Variants in RFC3 observed in about 807,000 individuals in gnomAD.
The protein encoded by RFC3 is A1 38 kDa subunit.
Under a neutral mutation model 45.1 loss-of-function variants are expected in RFC3, and 41 were observed. That is an observed-to-expected ratio of 0.91 (90% CI 0.71 to 1.18). RFC3 has a LOEUF of 1.18. Ranked by LOEUF, RFC3 falls within the 50% of genes most tolerant of loss-of-function variation. RFC3 has a pLI of 0.00. For missense variants in RFC3, 423 were observed against 428.1 expected, an observed-to-expected ratio of 0.99 and a Z score of 0.10; for synonymous variants, 149 against 144.0, an observed-to-expected ratio of 1.03 and a Z score of -0.25.
At chr13:33,858,508 C>G (rs1244889106) in intron 8 of RFC3, among the ~76,000 whole-genome samples, 3 of 152,170 alleles carry the variant, frequency 2.0e-5, no homozygotes, top group Admixed American at 6.5e-5. Flanking sequence ...AGCCCAGGAG[C>G]ATGAACTTGT....
intron 8 of RFC3, among the ~76,000 whole-genome samples, chr13:33,852,109 A>G (rs1362120261): frequency 6.6e-6 from 1 of 152,242 alleles, no homozygotes; most frequent in East Asian, 1.9e-4. Flanking sequence ...TACTTTCAAT[A>G]TAAAAAGCAG....
intron 8 of RFC3, among the ~76,000 whole-genome samples, chr13:33,929,429 T>C (rs980946598): frequency 6.6e-6 from 1 of 152,136 alleles, no homozygotes; most frequent in Non-Finnish European, 1.5e-5. Flanking sequence ...TAATTAACAC[T>C]AAATTTAATG....
chr13:33,859,225 A>T lies in RFC3; in HGVS notation c.879+24008A>T, dbSNP rs146957901. On this transcript the variant is annotated intron_variant, in intron 8 of 8. Coordinates refer to the RFC3 transcript ENST00000434425. ...AACTCGGAAGCTGAGCATGAACTCT[A>T]AATCTGTGTATCGTCTTTTCCCCAA... Among the ~76,000 whole-genome samples, 4 of 152,310 alleles carry T rather than the reference A, an allele frequency of 2.6e-5. No homozygotes were observed. The East Asian group carries it at 7.7e-4, about 29-fold the overall frequency.
chr13:33,940,424 T>C (rs2082915731), intron 8 of RFC3, among the ~76,000 whole-genome samples: 2 of 152,324 alleles, frequency 1.3e-5, no homozygotes, highest in African/African-American at 4.8e-5. Flanking sequence ...TTTTGGTTCT[T>C]CAAAAATTTG....
intron 8 of RFC3, among the ~76,000 whole-genome samples, chr13:33,931,536 A>G (rs377647475): frequency 1.3e-5 from 2 of 152,092 alleles, no homozygotes; most frequent in African/African-American, 4.8e-5. Context: ...AAATTCTAAA[A>G]TCTTGCGAAC....
chr13:33,974,783 C>G, the RFC3 span, among the ~76,000 whole-genome samples: 1 of 152,110 alleles, frequency 6.6e-6, no homozygotes, highest in Non-Finnish European at 1.5e-5. Flanking sequence ...AAAAGTTCCC[C>G]TTCATTTATC....
chr13:33,896,746 A>C (rs2082601922), intron 8 of RFC3, among the ~76,000 whole-genome samples: 1 of 139,410 alleles, frequency 7.2e-6, no homozygotes, highest in African/African-American at 2.6e-5. Context: ...AAAAAAAAGC[A>C]AGTAACATAT....
chr13:33,832,635 G>T (rs2082115257), intron 7 of RFC3, among the ~76,000 whole-genome samples: 4 of 152,192 alleles, frequency 2.6e-5, no homozygotes, highest in African/African-American at 9.6e-5. Flanking sequence ...AGTCTCATTA[G>T]AAAAGAAACT....
chr13:33,818,881 GTTTTTTTTTTTTT>G (rs72236854), intron 1 of RFC3, among the ~76,000 whole-genome samples: 2 of 112,040 alleles, frequency 1.8e-5, no homozygotes, highest in Non-Finnish European at 1.9e-5. Context: ...CCTGAGATTA[GTTTTTTTTTTTTT>G]TTTTTTTTTT....
chr13:33,919,667 T>C (rs1382554948), intron 8 of RFC3, among the ~76,000 whole-genome samples: 2 of 152,112 alleles, frequency 1.3e-5, no homozygotes, highest in Non-Finnish European at 2.9e-5. Context: ...TTGGTATTAT[T>C]TAATGTCTGT....
chr13:33,962,339 C>A (rs536107151), intron 8 of RFC3, among the ~76,000 whole-genome samples: 287 of 152,292 alleles, frequency 1.9e-3, no homozygotes, highest in Middle Eastern at 6.8e-3. Flanking sequence ...GTCTCCTTCA[C>A]TTCTTCAGCA....
At chr13:33,888,782 T>G (rs1888047) in intron 8 of RFC3, among the ~76,000 whole-genome samples, 16,972 of 151,018 alleles carry the variant, frequency 0.11, 1,969 homozygotes, top group African/African-American at 0.3. Flanking sequence ...ATCTTGCTCT[T>G]TCACCCAGGC....
chr13:33,973,925 C>A, the RFC3 span, among the ~76,000 whole-genome samples: 4 of 152,112 alleles, frequency 2.6e-5, no homozygotes, highest in Non-Finnish European at 5.9e-5. Context: ...AGGCTGTATC[C>A]CAGTAGAAGA....
At chr13:33,880,578 A>G (rs1206228123) in intron 8 of RFC3, among the ~76,000 whole-genome samples, 3 of 152,176 alleles carry the variant, frequency 2.0e-5, no homozygotes, top group African/African-American at 4.8e-5. Context: ...CAAATGGGGA[A>G]CTGAATTTTT....
At chr13:33,818,881 G>GTTTTT (rs72236854) in intron 1 of RFC3, among the ~76,000 whole-genome samples, 7 of 112,040 alleles carry the variant, frequency 6.2e-5, no homozygotes, top group African/African-American at 1.0e-4. Flanking sequence ...CCTGAGATTA[G>GTTTTT]TTTTTTTTTT....
At chr13:33,894,985 C>T (rs924221689) in intron 8 of RFC3, among the ~76,000 whole-genome samples, 4 of 152,076 alleles carry the variant, frequency 2.6e-5, no homozygotes, top group African/African-American at 7.2e-5. Context: ...TATCTCTCAT[C>T]GTATACAAAA....
At chr13:33,948,863 C>T (rs2137824542) in intron 8 of RFC3, among the ~76,000 whole-genome samples, 1 of 152,342 alleles carries the variant, frequency 6.6e-6, no homozygotes, top group Non-Finnish European at 1.5e-5. Context: ...CCTGTACCCC[C>T]ATTGCATCTA....
intron 8 of RFC3, among the ~76,000 whole-genome samples, chr13:33,916,640 A>G (rs565871249): frequency 2.4e-4 from 37 of 152,268 alleles, no homozygotes; most frequent in Non-Finnish European, 5.0e-4. Context: ...GCACAAATGT[A>G]TGTACGTAGA....
chr13:33,932,315 T>G (rs1346709451), intron 8 of RFC3, among the ~76,000 whole-genome samples: 1 of 152,196 alleles, frequency 6.6e-6, no homozygotes, highest in Non-Finnish European at 1.5e-5. Context: ...TAATATACCT[T>G]GGAATAATTT....
Sources: gnomAD v4.1 joint callset for allele counts (sites outside exome capture counted in the v4.1 genomes callset) on GRCh38, gnomAD v4.1.1 for gene constraint, MANE v1.5 for transcripts, NCBI Gene and HGNC (gene_info 2026-07-23, HGNC 2026-07-21) for gene names.